The following CDH18 variants were observed in gnomAD, a reference collection of about 807,000 sequenced individuals.
CDH18 encodes the protein cadherin-18.
CDH18 carries 31 observed loss-of-function variants against 67.9 expected under a neutral mutation model. The observed-to-expected ratio is 0.46, with a 90% CI of 0.34 to 0.62. The LOEUF is 0.62. Ranked by LOEUF, CDH18 falls within the 20% of genes least tolerant of loss-of-function variation. CDH18 has a pLI of 0.01. For synonymous variants in CDH18, 362 were observed against 347.2 expected (o/e 1.04, Z -0.48); for missense variants, 890 against 975.5 (o/e 0.91, Z 1.17).
intron 1 of CDH18, among the ~76,000 whole-genome samples, chr5:20,311,687 T>C (rs1466783217): frequency 6.6e-6 from 1 of 152,114 alleles, no homozygotes; most frequent in African/African-American, 2.4e-5. Flanking sequence ...GAGAAATTCC[T>C]AATGTAGATG....
At chr5:19,575,081 T>C (rs931644616) in intron 7 of CDH18, among the ~76,000 whole-genome samples, 5 of 152,136 alleles carry the variant, frequency 3.3e-5, no homozygotes, top group African/African-American at 1.2e-4. Context: ...CTGATGCTCA[T>C]ACTTAATGAG....
intron 5 of CDH18, among the ~76,000 whole-genome samples, chr5:19,646,800 T>G (rs1178423365): frequency 6.6e-6 from 1 of 152,134 alleles, no homozygotes; most frequent in Non-Finnish European, 1.5e-5. Context: ...GGGATGGATT[T>G]CAGTATCTTA....
At chr5:20,419,235 A>C (rs948903886) in intron 1 of CDH18, among the ~76,000 whole-genome samples, 1 of 151,890 alleles carries the variant, frequency 6.6e-6, no homozygotes, top group East Asian at 1.9e-4. Context: ...GTCTGCTGCT[A>C]TGATTCTGAG....
chr5:19,872,129 AAATGAAG>A (rs1350879137), intron 2 of CDH18, among the ~76,000 whole-genome samples: 3 of 152,174 alleles, frequency 2.0e-5, no homozygotes, highest in Non-Finnish European at 4.4e-5. Flanking sequence ...AGTCTTATTC[AAATGAAG>A]ATAAAAGACT....
intron 1 of CDH18, among the ~76,000 whole-genome samples, chr5:20,434,930 C>T (rs534437879): frequency 6.6e-6 from 1 of 152,184 alleles, no homozygotes; most frequent in South Asian, 2.1e-4. Context: ...CAAGCAGTCT[C>T]TTGGAAGGGG....
At chr5:20,295,855 TTTTC>T (rs199642571) in intron 1 of CDH18, among the ~76,000 whole-genome samples, 1,836 of 141,932 alleles carry the variant, frequency 0.013, 50 homozygotes, top group African/African-American at 0.044. Flanking sequence ...TTTTATTTTA[TTTTC>T]TTTCTTTTTT....
At chr5:19,660,360 T>C (rs1756998044) in intron 5 of CDH18, among the ~76,000 whole-genome samples, 1 of 151,826 alleles carries the variant, frequency 6.6e-6, no homozygotes, top group African/African-American at 2.4e-5. Context: ...ACACTGAGAG[T>C]GAATAATAAA....
At chr5:19,561,222 A>T (rs1311341782) in intron 8 of CDH18, among the ~76,000 whole-genome samples, 1 of 152,198 alleles carries the variant, frequency 6.6e-6, no homozygotes, top group Non-Finnish European at 1.5e-5. Context: ...TGTTTATAGC[A>T]GCACAATTCA....
rs550565028 is a variant in CDH18, at chr5:20,390,647, A to C, written c.-579-135142T>G. ...CCATCCCATTACTGGGTATATACCC[A>C]AAGGATTATAAATCATGCTGCTATA... On this transcript the variant is annotated intron_variant, in intron 1 of 14. Transcript: ENST00000507958. Among the ~76,000 whole-genome samples, 9 of 152,302 alleles carry C rather than the reference A, an allele frequency of 5.9e-5. No homozygotes were observed. In the South Asian group the frequency reaches 1.9e-3, roughly 32 times the overall value.
chr5:19,495,635 C>A (rs184170759), intron 11 of CDH18, among the ~76,000 whole-genome samples: 243 of 143,086 alleles, frequency 1.7e-3, no homozygotes, highest in Middle Eastern at 3.6e-3. Flanking sequence ...AGCTACTCGG[C>A]TTGAACCCAG....
intron 1 of CDH18, among the ~76,000 whole-genome samples, chr5:20,439,271 GA>G (rs895614697): frequency 8.6e-5 from 13 of 151,600 alleles, no homozygotes; most frequent in African/African-American, 3.2e-4. Context: ...ACACTGAATA[GA>G]AAAAACTAAG....
At chr5:20,486,063 G>C (rs760832322) in intron 1 of CDH18, among the ~76,000 whole-genome samples, 4 of 152,172 alleles carry the variant, frequency 2.6e-5, no homozygotes, top group Non-Finnish European at 4.4e-5. Flanking sequence ...AAGAGTTGCT[G>C]TACCAGCGTG....
At chr5:19,941,586 A>C (rs1385041732) in intron 2 of CDH18, among the ~76,000 whole-genome samples, 1 of 151,982 alleles carries the variant, frequency 6.6e-6, no homozygotes, top group Non-Finnish European at 1.5e-5. Context: ...GTTTGAGAAC[A>C]ACCTAGGCAA....
In CDH18 at chr5:19,838,786, C is replaced by T; in HGVS notation, c.201G>A (p.Met67Ile). Residue 67 changes from methionine to isoleucine, a missense_variant, in exon 3 of 13, where the codon ATG (methionine) becomes ATA (isoleucine). By Grantham distance (10) the Met-to-Ile change is conservative (BLOSUM62 1). This residue lies in a region of CDH18 where 234 missense variants were observed against 307.4 expected (regional missense o/e 0.76). Transcript: ENST00000382275. ...WNQFFVLEEH[M>I]GPDPQYVGKL... is the part of the protein sequence containing the mutation. ...TTCCAACATACTGAGGATCTGGTCC[C>T]ATATGTTCTTCTAAAACAAAGAACT... The T allele has an allele frequency of 6.2e-7, 1 of 1,612,762 alleles. No homozygotes were observed. Among genetic ancestry groups the T allele is most frequent in the Non-Finnish European group, 8.5e-7 (1 of 1,178,868 alleles).
At chr5:20,499,984 T>C (rs1162832659) in intron 1 of CDH18, among the ~76,000 whole-genome samples, 3 of 152,130 alleles carry the variant, frequency 2.0e-5, no homozygotes, top group Non-Finnish European at 4.4e-5. Context: ...ATGTCACTTC[T>C]GTGATGCCAT....
chr5:19,687,582 G>C (rs1163524589), intron 5 of CDH18, among the ~76,000 whole-genome samples: 1 of 152,092 alleles, frequency 6.6e-6, no homozygotes, highest in Non-Finnish European at 1.5e-5. Flanking sequence ...CTCCTGCCTG[G>C]GACTGCTACC....
chr5:19,882,078 G>T (rs1182319036), intron 2 of CDH18, among the ~76,000 whole-genome samples: 6 of 151,990 alleles, frequency 3.9e-5, no homozygotes, highest in Non-Finnish European at 7.4e-5. Context: ...GTGAATTATT[G>T]CCAGGTTTGA....
intron 3 of CDH18, among the ~76,000 whole-genome samples, chr5:19,835,816 T>C (rs1781558910): frequency 1.3e-5 from 2 of 152,118 alleles, no homozygotes; most frequent in African/African-American, 2.4e-5. Flanking sequence ...ACTTTCATGT[T>C]TGACCTTTTA....
At chr5:20,482,505 G>T (rs1442814987) in intron 1 of CDH18, among the ~76,000 whole-genome samples, 2 of 151,896 alleles carry the variant, frequency 1.3e-5, no homozygotes, top group African/African-American at 2.4e-5. Context: ...CTTGCTGAAG[G>T]TATATACAAA....
Sources: gnomAD v4.1 joint callset for allele counts (sites outside exome capture counted in the v4.1 genomes callset) on GRCh38, gnomAD v4.1.1 for gene constraint, gnomAD v4.1.1 regional missense constraint, MANE v1.5 for transcripts, NCBI Gene and HGNC (gene_info 2026-07-23, HGNC 2026-07-21) for gene names.